ZW10: variants seen among roughly 807,000 people sequenced by gnomAD.
ZW10 encodes the protein zw10 kinetochore protein.
Under a neutral mutation model 87.8 loss-of-function variants are expected in ZW10, and 53 were observed. That is an observed-to-expected ratio of 0.60 (90% CI 0.48 to 0.76). The LOEUF (loss-of-function observed/expected upper bound fraction) is 0.76. Among genes scored for constraint, ZW10 ranks in the 30% least tolerant of loss-of-function variants. The pLI, the probability that ZW10 is intolerant of heterozygous loss-of-function variation, is 0.00. For synonymous variants in ZW10, 312 were observed against 329.2 expected, an observed-to-expected ratio of 0.95 and a Z score of 0.57; for missense variants, 837 against 923.0, an observed-to-expected ratio of 0.91 and a Z score of 1.21.
At position 113,743,824 on chromosome 11, in the gene ZW10, C is replaced by A. The variant is rs369619021; in HGVS notation, c.1489G>T (p.Ala497Ser). 5.0e-6 allele frequency: 8 copies of A among 1,613,992 alleles called. No homozygotes were observed. The African/African-American group carries it at 1.1e-4, about 22-fold the overall frequency. ...MELAYQTLLE[A>S]TTSSDQCAVQ... The stretch of plus-strand genomic sequence containing the variant: ...TACCATTGATCACTACTGGTTGTTG[C>A]CTCTAGTAAAGTCTGATAGGCGAGT... Residue 497 changes from alanine (A) to serine (S), a missense_variant, in exon 10 of 16, where the codon GCA (alanine) becomes TCA (serine). By Grantham distance (99) the Ala-to-Ser change is moderately conservative. Transcript: ENST00000200135.
chr11:113,768,781 G>C (rs532461929), intron 2 of ZW10, 52 bp downstream of exon 2: 2 of 1,593,010 alleles, frequency 1.3e-6, no homozygotes, highest in Non-Finnish European at 1.7e-6. Flanking sequence ...TAGCAATCAG[G>C]AAGCTGAACC....
chr11:113,755,473 G>T (rs960697002), intron 7 of ZW10, among the ~76,000 whole-genome samples: 6 of 152,208 alleles, frequency 3.9e-5, no homozygotes, highest in Non-Finnish European at 8.8e-5. Context: ...CCGAATGTAT[G>T]ATAAGTTGTT....
At chr11:113,760,692 A>C (rs201732564) in intron 3 of ZW10, 102 bp from the exon 4 acceptor site, 1 of 256,854 alleles carries the variant, frequency 3.9e-6, no homozygotes, top group Admixed American at 1.0e-4. Context: ...TCCCCCCTCT[A>C]AAAAAAAAAA....
chr11:113,744,499 A>C (rs939884434), intron 9 of ZW10, among the ~76,000 whole-genome samples: 2 of 152,222 alleles, frequency 1.3e-5, no homozygotes, highest in African/African-American at 2.4e-5. Flanking sequence ...ATTTCAATAA[A>C]TATGACAATA....
At chr11:113,740,859 GAA>G (rs1953607994) in intron 11 of ZW10, among the ~76,000 whole-genome samples, 1 of 152,166 alleles carries the variant, frequency 6.6e-6, no homozygotes, top group Non-Finnish European at 1.5e-5. Flanking sequence ...ATACGAAGGA[GAA>G]AGACAGGCAA....
intron 2 of ZW10, among the ~76,000 whole-genome samples, chr11:113,766,021 C>T (rs1953903983): frequency 6.6e-6 from 1 of 152,192 alleles, no homozygotes; most frequent in Non-Finnish European, 1.5e-5. Context: ...CTGGCTACTG[C>T]TGTAAGTAAT....
At chr11:113,745,423 T>C (rs1953668262) in intron 9 of ZW10, among the ~76,000 whole-genome samples, 1 of 152,178 alleles carries the variant, frequency 6.6e-6, no homozygotes, top group Non-Finnish European at 1.5e-5. Flanking sequence ...GTTCAAAGTC[T>C]AATAAAACTA....
chr11:113,735,876 C>G (rs748174187), intron 15 of ZW10, among the ~76,000 whole-genome samples: 3 of 152,166 alleles, frequency 2.0e-5, no homozygotes, highest in Non-Finnish European at 4.4e-5. Flanking sequence ...GCACTCCCTG[C>G]AGAAAGACTG....
chr11:113,762,406 C>T (rs973400028), intron 2 of ZW10, among the ~76,000 whole-genome samples: 8 of 152,178 alleles, frequency 5.3e-5, no homozygotes, highest in Non-Finnish European at 1.0e-4. Context: ...GTGTACTCTA[C>T]AGCAGACTTT....
chr11:113,753,087 T>C (rs1953750378), intron 7 of ZW10, among the ~76,000 whole-genome samples: 1 of 152,166 alleles, frequency 6.6e-6, no homozygotes, highest in African/African-American at 2.4e-5. Context: ...GGTAAACTTG[T>C]GTCACGGGGG....
chr11:113,759,274 G>A (rs556590720), intron 5 of ZW10, among the ~76,000 whole-genome samples: 1 of 152,190 alleles, frequency 6.6e-6, no homozygotes, highest in South Asian at 2.1e-4. Context: ...TTAACAAGTA[G>A]GGTGTGTTAT....
intron 6 of ZW10, among the ~76,000 whole-genome samples, chr11:113,758,089 C>T (rs1379294508): frequency 6.6e-6 from 1 of 152,078 alleles, no homozygotes; most frequent in Non-Finnish European, 1.5e-5. Flanking sequence ...AGGAGAACTG[C>T]CTGAACCCAG....
chr11:113,758,451 A>G (rs1953820464), intron 6 of ZW10, 103 bp downstream of exon 6: 1 of 1,143,600 alleles, frequency 8.7e-7, no homozygotes. Flanking sequence ...GCCAGACCCT[A>G]TACTAATACT....
intron 15 of ZW10, among the ~76,000 whole-genome samples, chr11:113,734,312 A>T (rs980091900): frequency 6.6e-6 from 1 of 152,258 alleles, no homozygotes; most frequent in Non-Finnish European, 1.5e-5. Context: ...GATGCTCAAC[A>T]TCATTAGAAT....
Position 113,744,343 on chromosome 11 carries a change from T to C in ZW10, c.1273-303A>G, listed in dbSNP as rs182266583. ...CGGAGCTTGCAGTGAGCGGAGCTTGTAGTGAGCTGAGATCATGCCACTGCA... is the reference window on the plus strand; with the variant it reads ...CGGAGCTTGCAGTGAGCGGAGCTTGCAGTGAGCTGAGATCATGCCACTGCA... On this transcript the variant is annotated intron_variant, in intron 9 of 15. Transcript: ENST00000200135. Among the ~76,000 whole-genome samples, 5 of 151,832 alleles carry C rather than the reference T, an allele frequency of 3.3e-5. No homozygotes were observed. In the East Asian group the frequency reaches 1.0e-3, roughly 31 times the overall value.
At position 113,771,919 on chromosome 11, in the gene ZW10, G is replaced by A. The variant is rs190099426; in HGVS notation, c.105+1643C>T. On this transcript the variant is annotated intron_variant, in intron 1 of 15. Coordinates refer to ENST00000200135, the MANE Select transcript of ZW10 (RefSeq NM_004724.4). ...ATTATGCTTGCCCTCAAATTCCTACGTAGTAAAGATACTATATACTTGAGC... is the reference window on the plus strand; with the variant it reads ...ATTATGCTTGCCCTCAAATTCCTACATAGTAAAGATACTATATACTTGAGC... Among the ~76,000 whole-genome samples, 363 of 152,164 alleles carry A rather than the reference G, an allele frequency of 2.4e-3. 1 individual carries two copies. Among genetic ancestry groups the A allele is most frequent in the Non-Finnish European group, 4.4e-3 (300 of 67,998 alleles).
chr11:113,747,652 T>A lies in ZW10; in HGVS notation c.1151A>T (p.Asp384Val), dbSNP rs1413442211. 1 of 1,613,354 alleles carries A rather than the reference T, an allele frequency of 6.2e-7. No individual in the cohort carries two copies. Among genetic ancestry groups the A allele is most frequent in the East Asian group, 2.2e-5 (1 of 44,846 alleles). ...AGCGTATTTCAGCAAATCTGTAGTA[T>A]CTCCTTTTAAAAATCTCATTTCCTT... ...ALKEMRFLKG[D>V]TTDLLKYARN... The change falls in exon 9 of 16, where the codon GAT (aspartate) becomes GTT (valine). Residue 384 changes from aspartate (D) to valine (V), a missense_variant. Transcript: ENST00000200135.
rs186163291 is a variant in ZW10, at chr11:113,736,692, T to C, written c.2147A>G (p.Tyr716Cys). 37 of 1,614,222 alleles carry C rather than the reference T, an allele frequency of 2.3e-5. No individual in the cohort carries two copies. Among genetic ancestry groups the C allele is most frequent in the Middle Eastern group, 1.6e-4 (1 of 6,062 alleles). Reference sequence around the variant, plus strand: ...CTTGAATGGCATCCATTTTGGCACATAGACTGGAACCTCTTCTTGATATTT... The same window carrying C: ...CTTGAATGGCATCCATTTTGGCACACAGACTGGAACCTCTTCTTGATATTT... ...NKKYQEEVPV[Y>C]VPKWMPFKEL... The change falls in exon 15 of 16, where the codon TAT becomes TGT. Residue 716 changes from tyrosine (Y) to cysteine (C), a missense_variant. Transcript: ENST00000200135.
intron 7 of ZW10, among the ~76,000 whole-genome samples, chr11:113,752,254 T>G (rs927059365): frequency 6.6e-6 from 1 of 152,006 alleles, no homozygotes; most frequent in Non-Finnish European, 1.5e-5. Context: ...ACACTGCACA[T>G]GAACAAGATG....
Sources: allele counts gnomAD v4.1 joint callset (sites outside exome capture counted in the v4.1 genomes callset), GRCh38; gene constraint gnomAD v4.1.1; transcripts MANE v1.5; gene names NCBI Gene and HGNC (gene_info 2026-07-23, HGNC 2026-07-21).